MYOM1: variants seen among roughly 807,000 people sequenced by gnomAD.
MYOM1 encodes myomesin-1.
Under a neutral mutation model 205.3 loss-of-function variants are expected in MYOM1, and 164 were observed. The observed-to-expected ratio is 0.80, with a 90% confidence interval of 0.70 to 0.91. The LOEUF (loss-of-function observed/expected upper bound fraction) is 0.91, where lower values mean the gene tolerates loss of function less well. Among genes scored for constraint, MYOM1 ranks in the 40% least tolerant of loss-of-function variants. MYOM1 has a pLI of 0.00. For synonymous variants in MYOM1, 772 were observed against 789.4 expected, an observed-to-expected ratio of 0.98 and a Z score of 0.37; for missense variants, 2,011 against 2,127.3, an observed-to-expected ratio of 0.95 and a Z score of 1.08.
intron 5 of MYOM1, among the ~76,000 whole-genome samples, chr18:3,186,839 GA>G (rs1181740004): frequency 2.4e-5 from 3 of 124,760 alleles, no homozygotes; most frequent in African/African-American, 9.1e-5. Context: ...AGAAAGAAGA[GA>G]AAAGAAAGAA....
chr18:3,136,163 C>G (rs542066942), intron 14 of MYOM1, among the ~76,000 whole-genome samples: 1 of 152,084 alleles, frequency 6.6e-6, no homozygotes, highest in Non-Finnish European at 1.5e-5. Context: ...CTTTCGCCTT[C>G]CACCATGATT....
intron 22 of MYOM1, among the ~76,000 whole-genome samples, chr18:3,103,332 T>C (rs1332313122): frequency 1.3e-5 from 2 of 152,208 alleles, no homozygotes; most frequent in Non-Finnish European, 2.9e-5. Context: ...GAAATGAGTT[T>C]CAAGAGATTC....
intron 1 of MYOM1, among the ~76,000 whole-genome samples, chr18:3,217,833 GATAAAATAAAATAA>G (rs1413908650): frequency 6.6e-6 from 1 of 151,798 alleles, no homozygotes; most frequent in African/African-American, 2.4e-5. Flanking sequence ...AAAAATTTAA[GATAAAATAAAATAA>G]GTAAAATAAA....
chr18:3,069,636 T>C (rs2078938274), intron 37 of MYOM1, among the ~76,000 whole-genome samples: 1 of 151,914 alleles, frequency 6.6e-6, no homozygotes, highest in South Asian at 2.1e-4. Context: ...TTTTGGAAAC[T>C]GTGATTACTT....
At chr18:3,242,331 T>C in the MYOM1 span, among the ~76,000 whole-genome samples, 1 of 152,172 alleles carries the variant, frequency 6.6e-6, no homozygotes, top group African/African-American at 2.4e-5. Context: ...TCATGATAGT[T>C]AATAAGTCTC....
chr18:3,095,021 C>T (rs2079282326), intron 25 of MYOM1, among the ~76,000 whole-genome samples: 1 of 152,044 alleles, frequency 6.6e-6, no homozygotes, highest in South Asian at 2.1e-4. Context: ...ATTAATATTT[C>T]TTTGTATTTA....
chr18:3,114,112 T>A (rs999918278), intron 21 of MYOM1, among the ~76,000 whole-genome samples: 1 of 152,238 alleles, frequency 6.6e-6, no homozygotes, highest in Non-Finnish European at 1.5e-5. Flanking sequence ...AACTGTGGAT[T>A]TCCAGAAGAA....
At chr18:3,121,243 ATCT>A (rs1440215296) in intron 19 of MYOM1, among the ~76,000 whole-genome samples, 2 of 152,198 alleles carry the variant, frequency 1.3e-5, no homozygotes, top group Non-Finnish European at 2.9e-5. Context: ...TTCTAGAAAG[ATCT>A]TCTGAAAAAT....
intron 2 of MYOM1, among the ~76,000 whole-genome samples, chr18:3,207,331 A>G (rs2081136385): frequency 6.6e-6 from 1 of 151,426 alleles, no homozygotes; most frequent in Non-Finnish European, 1.5e-5. Flanking sequence ...TTTAAGCAAG[A>G]GTAAAAGAGT....
intron 25 of MYOM1, among the ~76,000 whole-genome samples, chr18:3,097,888 C>T (rs1224963515): frequency 6.6e-6 from 1 of 152,220 alleles, no homozygotes; most frequent in Non-Finnish European, 1.5e-5. Context: ...GCAATGCCTA[C>T]TGCCCGGACT....
At chr18:3,105,898 C>T (rs937900426) in intron 22 of MYOM1, among the ~76,000 whole-genome samples, 4 of 152,080 alleles carry the variant, frequency 2.6e-5, no homozygotes, top group South Asian at 2.1e-4. Context: ...TCTCAATTGC[C>T]TCAGTTACTG....
chr18:3,193,679 TA>T, intron 3 of MYOM1, 138 bp downstream of exon 3: 1 of 895,026 alleles, frequency 1.1e-6, no homozygotes, highest in Non-Finnish European at 1.6e-6. Flanking sequence ...GCTTTTACTA[TA>T]ATCTAACAAG....
chr18:3,120,587 A>G (rs1216125931), intron 19 of MYOM1, among the ~76,000 whole-genome samples: 1 of 152,206 alleles, frequency 6.6e-6, no homozygotes, highest in African/African-American at 2.4e-5. Context: ...GATCCTGAAC[A>G]GACGACCCTG....
At chr18:3,127,305 A>ATATTTTTT (rs56880961) in intron 18 of MYOM1, among the ~76,000 whole-genome samples, 5 of 47,580 alleles carry the variant, frequency 1.1e-4, no homozygotes, top group African/African-American at 1.8e-4. Flanking sequence ...ATATATATAT[A>ATATTTTTT]TTTTTTTTTT....
intron 10 of MYOM1, among the ~76,000 whole-genome samples, chr18:3,162,898 C>T (rs890320658): frequency 2.0e-5 from 3 of 151,936 alleles, no homozygotes; most frequent in African/African-American, 7.3e-5. Context: ...TGGTGGTGGG[C>T]GCCTGTAGTC....
intron 31 of MYOM1, among the ~76,000 whole-genome samples, chr18:3,084,828 T>C (rs977649027): frequency 2.0e-5 from 3 of 152,156 alleles, no homozygotes; most frequent in African/African-American, 7.2e-5. Flanking sequence ...GGACTATAAA[T>C]TCTCTAAGGA....
At chr18:3,137,045 G>A (rs1026293847) in intron 14 of MYOM1, among the ~76,000 whole-genome samples, 2 of 151,694 alleles carry the variant, frequency 1.3e-5, no homozygotes. Flanking sequence ...CCGCCTCCTG[G>A]GTTCACGCCA....
intron 14 of MYOM1, among the ~76,000 whole-genome samples, chr18:3,136,208 CAT>C (rs1348356743): frequency 1.3e-5 from 2 of 152,062 alleles, no homozygotes; most frequent in Non-Finnish European, 2.9e-5. Context: ...ACTGTGAGTC[CAT>C]TAAACCTCTT....
the MYOM1 span, among the ~76,000 whole-genome samples, chr18:3,235,640 A>G: frequency 1.3e-5 from 2 of 152,246 alleles, 1 homozygote; most frequent in South Asian, 4.1e-4. Flanking sequence ...ACTCTTCTGG[A>G]CCTTGGGATA....
Sources: gnomAD v4.1 joint callset for allele counts (sites outside exome capture counted in the v4.1 genomes callset) on GRCh38, gnomAD v4.1.1 for gene constraint, MANE v1.5 for transcripts, NCBI Gene and HGNC (gene_info 2026-07-23, HGNC 2026-07-21) for gene names.